The following SPG7 variants were observed in gnomAD, a reference collection of about 807,000 sequenced individuals.
SPG7 encodes the protein SPG7 matrix AAA peptidase subunit, paraplegin, also known as mitochondrial inner membrane m-AAA protease component paraplegin.
In SPG7, 103 loss-of-function variants were observed where a neutral mutation model predicts 81.9. The ratio of observed to expected loss-of-function variants is 1.26; its 90% CI spans 1.07 to 1.48. SPG7 has a LOEUF of 1.48. Ranked by LOEUF, SPG7 falls within the 40% of genes most tolerant of loss-of-function variation. The probability of loss-of-function intolerance (pLI) is 0.00; values close to 1 mark genes in which losing one functional copy is unlikely to be tolerated. For missense variants in SPG7, 1,241 were observed against 1,087.3 expected, an observed-to-expected ratio of 1.14 and a Z score of -1.99; for synonymous variants, 534 against 444.2, an observed-to-expected ratio of 1.20 and a Z score of -2.54.
chr16:89,539,287 G>A (rs980482926), intron 9 of SPG7: 4 of 152,094 alleles, frequency 2.6e-5, no homozygotes, highest in Non-Finnish European at 4.4e-5. Context: ...ATCACCTGAG[G>A]TCAGGAGTTC....
At chr16:89,508,847 C>T (rs532261070) in intron 1 of SPG7, 8 of 672,648 alleles carry the variant, frequency 1.2e-5, no homozygotes, top group African/African-American at 1.1e-4. Flanking sequence ...CTTTCCCAAC[C>T]CGTCTGTTGT....
chr16:89,523,781 C>A (rs954447989), intron 3 of SPG7: 2 of 692,170 alleles, frequency 2.9e-6, no homozygotes, highest in Non-Finnish European at 2.6e-6. Flanking sequence ...CACTCCTGCT[C>A]CTCACTGAAG....
At chr16:89,531,520 C>G (rs2058342286) in intron 7 of SPG7, 5 of 288,508 alleles carry the variant, frequency 1.7e-5, no homozygotes, top group South Asian at 1.6e-4. Context: ...ATCACAGGCG[C>G]CCACCACCAT....
At chr16:89,518,064 GC>G in intron 3 of SPG7, 1 of 152,312 alleles carries the variant, frequency 6.6e-6, no homozygotes, top group Non-Finnish European at 1.5e-5. Flanking sequence ...TTTCCCCTGG[GC>G]CCTCTGCTGT....
At chr16:89,527,108 C>G in intron 5 of SPG7, 1 of 165,004 alleles carries the variant, frequency 6.1e-6, no homozygotes. Context: ...AATACTATTT[C>G]AATCGTTGTT....
intron 1 of SPG7, 23 bp from the exon 2 acceptor site, chr16:89,510,467 T>A (rs752821859): frequency 7.1e-7 from 1 of 1,401,282 alleles, no homozygotes; most frequent in Non-Finnish European, 1.0e-6. Context: ...TGACCTCCAG[T>A]ATTGTTTTTT....
Position 89,512,995 on chromosome 16 carries a change from G to GAT in SPG7, c.335_336insTA (p.Glu112AspfsTer42), listed in dbSNP as rs752830674. The GAT allele has an allele frequency of 3.0e-5, 49 of 1,613,230 alleles. No individual in the cohort carries two copies. Among genetic ancestry groups the GAT allele is most frequent in the Non-Finnish European group, 2.6e-5 (31 of 1,179,266 alleles). ...CTCAAGGTTGAAGCAGAAGAATAAGGAGAAGGATAAGTCGAAGGGGAAGGC... is the reference window on the plus strand; with the variant it reads ...CTCAAGGTTGAAGCAGAAGAATAAGGATAGAAGGATAAGTCGAAGGGGAAGGC... On this transcript the variant is annotated frameshift_variant, in exon 3 of 17. Coordinates refer to ENST00000645818, the MANE Select transcript of SPG7 (RefSeq NM_003119.4). LOFTEE classifies it high-confidence loss of function.
intron 9 of SPG7, chr16:89,543,473 C>G (rs2058525567): frequency 6.6e-6 from 1 of 151,030 alleles, no homozygotes; most frequent in Non-Finnish European, 1.5e-5. Context: ...TCCCGAGTAG[C>G]CAGGATTACA....
chr16:89,530,617 C>A, intron 6 of SPG7, 66 bp from the exon 7 acceptor site: 1 of 1,605,570 alleles, frequency 6.2e-7, no homozygotes, highest in Non-Finnish European at 8.5e-7. Flanking sequence ...GTGGGCTGAG[C>A]GCTGGCATCG....
At chr16:89,548,197 G>T in intron 12 of SPG7, 84 bp downstream of exon 12, 1 of 937,318 alleles carries the variant, frequency 1.1e-6, no homozygotes, top group Middle Eastern at 2.5e-4. Flanking sequence ...GAGAGGTGAG[G>T]TGGATGGAAC....
intron 14 of SPG7, chr16:89,553,518 G>A (rs2058657534): frequency 3.7e-6 from 2 of 545,914 alleles, no homozygotes; most frequent in Admixed American, 3.1e-5. Flanking sequence ...CCTCGCATAG[G>A]CCTGGGCTTG....
chr16:89,511,143 GT>G (rs1458606378), intron 2 of SPG7, among the ~76,000 whole-genome samples: 2 of 152,118 alleles, frequency 1.3e-5, no homozygotes, highest in Non-Finnish European at 2.9e-5. Context: ...TGGCCAAGTT[GT>G]CCTTTTTTAA....
chr16:89,532,089 G>T, intron 8 of SPG7, 23 bp downstream of exon 8: 1 of 1,609,604 alleles, frequency 6.2e-7, no homozygotes, highest in Non-Finnish European at 8.5e-7. Context: ...GTTGGGGGCT[G>T]TGGGTGGGCT....
At chr16:89,553,269 T>G (rs2058655122) in intron 14 of SPG7, 134 bp downstream of exon 14, 1 of 992,810 alleles carries the variant, frequency 1.0e-6, no homozygotes, top group African/African-American at 1.6e-5. Context: ...TTGTAAAAGA[T>G]AAGTTGTGGT....
chr16:89,522,230 A>G (rs533357088), intron 3 of SPG7: 4 of 152,356 alleles, frequency 2.6e-5, no homozygotes, highest in South Asian at 4.1e-4. Context: ...TTATTTTGCC[A>G]CCTTTTTAGT....
intron 10 of SPG7, chr16:89,545,345 C>G (rs1178879037): frequency 9.0e-6 from 2 of 222,728 alleles, no homozygotes; most frequent in Non-Finnish European, 1.8e-5. Context: ...AGGAGTTCAG[C>G]TCATGGAGCG....
At chr16:89,511,447 T>C (rs1340589666) in intron 2 of SPG7, among the ~76,000 whole-genome samples, 2 of 152,204 alleles carry the variant, frequency 1.3e-5, no homozygotes. Context: ...AAAAGTAAAA[T>C]ATTTCTACTC....
At chr16:89,546,871 G>A in intron 11 of SPG7, 111 bp downstream of exon 11, 1 of 761,216 alleles carries the variant, frequency 1.3e-6, no homozygotes, top group Non-Finnish European at 2.4e-6. Context: ...CTCCTTCTCT[G>A]GGGGCCTCTG....
intron 13 of SPG7, 57 bp downstream of exon 13, chr16:89,550,666 C>T: frequency 1.7e-6 from 2 of 1,186,574 alleles, no homozygotes; most frequent in Non-Finnish European, 2.5e-6. Context: ...GTGGGGAGTC[C>T]CGCCTGTGTC....
Sources: allele counts gnomAD v4.1 joint callset (sites outside exome capture counted in the v4.1 genomes callset), GRCh38; gene constraint gnomAD v4.1.1; transcripts MANE v1.5; gene names NCBI Gene and HGNC (gene_info 2026-07-23, HGNC 2026-07-21).